The following ZDHHC14 variants were observed in gnomAD, a reference collection of about 807,000 sequenced individuals.
ZDHHC14 encodes zDHHC palmitoyltransferase 14, also known as palmitoyltransferase ZDHHC14.
A neutral mutation model predicts 47.7 loss-of-function variants in ZDHHC14; 16 were observed. The observed-to-expected ratio is 0.34, with a 90% confidence interval of 0.23 to 0.51. ZDHHC14 has a LOEUF of 0.51. Among genes scored for constraint, ZDHHC14 ranks in the 20% least tolerant of loss-of-function variants. The pLI is 0.97. For missense variants in ZDHHC14, 515 were observed against 662.5 expected, an observed-to-expected ratio of 0.78 and a Z score of 2.44; for synonymous variants, 293 against 278.9, an observed-to-expected ratio of 1.05 and a Z score of -0.50.
chr6:157,455,924 A>G (rs1778901911), intron 1 of ZDHHC14, among the ~76,000 whole-genome samples: 1 of 152,144 alleles, frequency 6.6e-6, no homozygotes, highest in African/African-American at 2.4e-5. Context: ...GCATCCTTTG[A>G]TAGTCGCAGT....
intron 3 of ZDHHC14, among the ~76,000 whole-genome samples, chr6:157,622,608 T>G (rs1743961342): frequency 6.6e-6 from 1 of 151,992 alleles, no homozygotes; most frequent in East Asian, 1.9e-4. Context: ...AAACCACCCC[T>G]GCCTCCCACT....
chr6:157,521,425 C>T (rs1780910228), intron 1 of ZDHHC14, among the ~76,000 whole-genome samples: 1 of 152,206 alleles, frequency 6.6e-6, no homozygotes. Flanking sequence ...AAATACCAGG[C>T]CGTGGGTAGC....
At chr6:157,660,432 A>T (rs1778300933) in intron 8 of ZDHHC14, among the ~76,000 whole-genome samples, 1 of 152,084 alleles carries the variant, frequency 6.6e-6, no homozygotes, top group Non-Finnish European at 1.5e-5. Context: ...ACCTCAGGAG[A>T]TCCACCTGCC....
intron 3 of ZDHHC14, among the ~76,000 whole-genome samples, chr6:157,621,951 T>C (rs977422118): frequency 6.6e-6 from 1 of 152,172 alleles, no homozygotes. Flanking sequence ...TGTCCTAACC[T>C]TTCTGACTGA....
intron 1 of ZDHHC14, among the ~76,000 whole-genome samples, chr6:157,404,947 G>A (rs923928536): frequency 6.6e-5 from 10 of 152,128 alleles, no homozygotes; most frequent in Non-Finnish European, 1.5e-4. Context: ...AAAAGGATAT[G>A]CAAGTAAATT....
At chr6:157,653,653 G>T (rs749110386) in intron 8 of ZDHHC14, 26 bp downstream of exon 8, 1 of 1,599,378 alleles carries the variant, frequency 6.3e-7, no homozygotes, top group Admixed American at 1.7e-5. Flanking sequence ...ACTGCTCCCT[G>T]CGAGGGCTTC....
intron 2 of ZDHHC14, among the ~76,000 whole-genome samples, chr6:157,580,735 T>TG (rs71027352): frequency 0.29 from 42,639 of 146,470 alleles, 7,543 homozygotes; most frequent in African/African-American, 0.55. Context: ...TGTGTGTGTG[T>TG]TTTTTTCTTT....
At chr6:157,415,081 G>A (rs1409275775) in intron 1 of ZDHHC14, among the ~76,000 whole-genome samples, 1 of 152,116 alleles carries the variant, frequency 6.6e-6, no homozygotes, top group African/African-American at 2.4e-5. Flanking sequence ...GTGTGTGCTA[G>A]GCTGGTCCCA....
chr6:157,620,251 G>A (rs2163287), intron 3 of ZDHHC14, among the ~76,000 whole-genome samples: 4,991 of 152,232 alleles, frequency 0.033, 296 homozygotes, highest in African/African-American at 0.11. Flanking sequence ...GTGGCCCAAC[G>A]CATCACATAT....
intron 1 of ZDHHC14, among the ~76,000 whole-genome samples, chr6:157,531,257 A>G (rs1171898287): frequency 1.3e-5 from 2 of 149,972 alleles, no homozygotes; most frequent in South Asian, 4.3e-4. Context: ...GGCACTGGGG[A>G]TGCCACAGTG....
At chr6:157,394,084 G>A (rs1777474578) in intron 1 of ZDHHC14, among the ~76,000 whole-genome samples, 1 of 152,126 alleles carries the variant, frequency 6.6e-6, no homozygotes, top group African/African-American at 2.4e-5. Context: ...CAGTCTCAGG[G>A]CCCCACCACT....
At chr6:157,548,274 G>A (rs569532863) in intron 2 of ZDHHC14, among the ~76,000 whole-genome samples, 4 of 152,222 alleles carry the variant, frequency 2.6e-5, no homozygotes, top group Non-Finnish European at 4.4e-5. Context: ...GCTTTGTGTC[G>A]TTTTTATTTG....
chr6:157,540,888 A>ATGTG (rs1171821046), intron 1 of ZDHHC14, among the ~76,000 whole-genome samples: 8,705 of 127,284 alleles, frequency 0.068, 410 homozygotes, highest in East Asian at 0.093. Context: ...ATATGTATGT[A>ATGTG]TGTGTGTGTG....
intron 3 of ZDHHC14, among the ~76,000 whole-genome samples, chr6:157,615,304 G>A (rs762829750): frequency 2.0e-5 from 3 of 152,224 alleles, no homozygotes; most frequent in Non-Finnish European, 4.4e-5. Flanking sequence ...AGACGTCTGT[G>A]CGGACCCAAG....
intron 1 of ZDHHC14, among the ~76,000 whole-genome samples, chr6:157,438,753 T>G (rs1367075501): frequency 1.3e-5 from 2 of 152,254 alleles, no homozygotes; most frequent in Non-Finnish European, 1.5e-5. Context: ...GATGTCATAT[T>G]AAAAGCAGCC....
chr6:157,545,872 C>T (rs1266343410), intron 2 of ZDHHC14, among the ~76,000 whole-genome samples: 1 of 152,162 alleles, frequency 6.6e-6, no homozygotes, highest in African/African-American at 2.4e-5. Flanking sequence ...GTGTTCTTAT[C>T]TGTGAAATAG....
At chr6:157,458,778 T>C (rs1238154132) in intron 1 of ZDHHC14, among the ~76,000 whole-genome samples, 1 of 151,658 alleles carries the variant, frequency 6.6e-6, no homozygotes, top group African/African-American at 2.4e-5. Flanking sequence ...CATCACTCAA[T>C]TTACGATATA....
chr6:157,668,411 C>T (rs1387656615), intron 8 of ZDHHC14, among the ~76,000 whole-genome samples: 6 of 151,336 alleles, frequency 4.0e-5, no homozygotes, highest in Non-Finnish European at 5.9e-5. Flanking sequence ...GGGCTAGGCA[C>T]GGTGGCTCAG....
chr6:157,567,857 C>T (rs1782964692), intron 2 of ZDHHC14, among the ~76,000 whole-genome samples: 2 of 151,226 alleles, frequency 1.3e-5, no homozygotes, highest in Non-Finnish European at 2.9e-5. Context: ...TGTGGTTACA[C>T]TGAAGTAGTC....
Sources: allele counts gnomAD v4.1 joint callset (sites outside exome capture counted in the v4.1 genomes callset), GRCh38; gene constraint gnomAD v4.1.1; transcripts MANE v1.5; gene names NCBI Gene and HGNC (gene_info 2026-07-23, HGNC 2026-07-21).